LRRTM3: variants seen among roughly 807,000 people sequenced by gnomAD.
LRRTM3 encodes the protein leucine rich repeat transmembrane neuronal 3.
LRRTM3 carries 24 observed loss-of-function variants against 44.7 expected under a neutral mutation model. The observed-to-expected ratio is 0.54, with a 90% CI of 0.39 to 0.76. The LOEUF (loss-of-function observed/expected upper bound fraction) is 0.76, where lower values mean the gene tolerates loss of function less well. Among genes scored for constraint, LRRTM3 ranks in the 30% least tolerant of loss-of-function variants. The pLI is 0.00. For missense variants in LRRTM3, 587 were observed against 702.2 expected (o/e 0.84, Z 1.85); for synonymous variants, 277 against 278.7 (o/e 0.99, Z 0.06).
intron 2 of LRRTM3, among the ~76,000 whole-genome samples, chr10:67,047,636 T>C (rs1309248353): frequency 6.6e-6 from 1 of 152,142 alleles, no homozygotes; most frequent in East Asian, 1.9e-4. Flanking sequence ...ATTCAGCAAG[T>C]TGCTACTATA....
chr10:66,991,602 A>G (rs1851041218), intron 2 of LRRTM3, among the ~76,000 whole-genome samples: 1 of 152,084 alleles, frequency 6.6e-6, no homozygotes, highest in Non-Finnish European at 1.5e-5. Context: ...CCCAGGCTGG[A>G]GTGCAATGGC....
intron 2 of LRRTM3, among the ~76,000 whole-genome samples, chr10:67,006,500 CTT>C (rs1321907649): frequency 2.0e-5 from 3 of 150,480 alleles, no homozygotes; most frequent in East Asian, 3.9e-4. Context: ...TTTCCAAAAA[CTT>C]AGCTTTTTCC....
chr10:66,973,396 A>G (rs1387127732), intron 2 of LRRTM3, among the ~76,000 whole-genome samples: 1 of 152,210 alleles, frequency 6.6e-6, no homozygotes, highest in Non-Finnish European at 1.5e-5. Context: ...GTATTAACAA[A>G]TGACAAGAAC....
At position 67,079,234 on chromosome 10, in the gene LRRTM3, C is replaced by T. The variant is rs561302521; in HGVS notation, c.1537-18353C>T. Among the ~76,000 whole-genome samples, 82 of 152,266 alleles carry T rather than the reference C, an allele frequency of 5.4e-4. 1 individual carries two copies. The highest frequency in any genetic ancestry group is 6.8e-3 in the Middle Eastern group (2 of 294). On this transcript the variant is annotated intron_variant, in intron 2 of 2. Coordinates refer to ENST00000361320, the MANE Select transcript of LRRTM3 (RefSeq NM_178011.5). ...ATGAGCACACGCTGTGCACAAGAAA[C>T]TCTGTGTTATAGAACAAGGGGAAGA... is the stretch of plus-strand genomic sequence containing the variant.
At chr10:67,033,226 G>C (rs1405747365) in intron 2 of LRRTM3, among the ~76,000 whole-genome samples, 1 of 152,142 alleles carries the variant, frequency 6.6e-6, no homozygotes. Context: ...AGTTCTATTT[G>C]TATAAGGCTT....
chr10:66,995,162 A>C (rs1324676646), intron 2 of LRRTM3, among the ~76,000 whole-genome samples: 1 of 152,166 alleles, frequency 6.6e-6, no homozygotes, highest in African/African-American at 2.4e-5. Context: ...CATAATCTCA[A>C]ACATAACCCA....
intron 2 of LRRTM3, among the ~76,000 whole-genome samples, chr10:67,039,947 A>C (rs964776523): frequency 1.3e-5 from 2 of 152,170 alleles, no homozygotes; most frequent in African/African-American, 4.8e-5. Flanking sequence ...TCTGTCATAA[A>C]GCATATTAGC....
Position 66,926,555 on chromosome 10 carries a change from C to A in LRRTM3, c.-29C>A. 1.9e-6 allele frequency: 3 copies of A among 1,613,706 alleles called. No homozygotes were observed. The highest frequency in any genetic ancestry group is 2.5e-6 in the Non-Finnish European group (3 of 1,179,892). On this transcript the variant is annotated 5_prime_UTR_variant, in exon 1 of 3. Coordinates refer to ENST00000361320, the MANE Select transcript of LRRTM3 (RefSeq NM_178011.5). Reference sequence around the variant, plus strand: ...TGGCCCCTAAGCCAAAGCAAAAGACCTAAGGACGACCTTTGAACAATACAA... The same window carrying A: ...TGGCCCCTAAGCCAAAGCAAAAGACATAAGGACGACCTTTGAACAATACAA...
At chr10:67,058,365 G>A (rs774703070) in intron 2 of LRRTM3, among the ~76,000 whole-genome samples, 4 of 152,136 alleles carry the variant, frequency 2.6e-5, no homozygotes, top group East Asian at 1.9e-4. Flanking sequence ...TTGGTTTCAA[G>A]AGAAATTTTA....
chr10:67,048,832 C>G (rs1410373078), intron 2 of LRRTM3, among the ~76,000 whole-genome samples: 2 of 152,026 alleles, frequency 1.3e-5, no homozygotes, highest in Non-Finnish European at 2.9e-5. Flanking sequence ...TGATGTCTCA[C>G]CGTTCCCAGC....
chr10:67,023,096 T>A (rs1028484048), intron 2 of LRRTM3, among the ~76,000 whole-genome samples: 1 of 152,172 alleles, frequency 6.6e-6, no homozygotes, highest in Non-Finnish European at 1.5e-5. Context: ...TCTAATTCAA[T>A]GCCAATCAAA....
At chr10:66,942,908 A>G (rs1431712539) in intron 2 of LRRTM3, among the ~76,000 whole-genome samples, 1 of 152,232 alleles carries the variant, frequency 6.6e-6, no homozygotes, top group Non-Finnish European at 1.5e-5. Context: ...CAAATTAATC[A>G]AAGAGTTACA....
intron 2 of LRRTM3, among the ~76,000 whole-genome samples, chr10:66,966,560 T>C (rs576868501): frequency 1.7e-4 from 26 of 151,876 alleles, no homozygotes; most frequent in Non-Finnish European, 3.2e-4. Flanking sequence ...TCAAAGAAGC[T>C]TTTTAACATA....
rs371229910 is a variant in LRRTM3, at chr10:67,086,669, A to T, written c.1537-10918A>T. Reference sequence around the variant, plus strand: ...TGGGCTATTAGAAGTCATGAGACACACACACAAACATAAATGCCAATGTTC... The same window carrying T: ...TGGGCTATTAGAAGTCATGAGACACTCACACAAACATAAATGCCAATGTTC... On this transcript the variant is annotated intron_variant, in intron 2 of 2. Coordinates refer to ENST00000361320, the MANE Select transcript of LRRTM3 (RefSeq NM_178011.5). Among the ~76,000 whole-genome samples, 35 of 152,136 alleles carry T rather than the reference A, an allele frequency of 2.3e-4. No homozygotes were observed. In the East Asian group the frequency reaches 6.2e-3, roughly 27 times the overall value.
intron 2 of LRRTM3, among the ~76,000 whole-genome samples, chr10:67,087,074 T>C (rs903602582): frequency 6.6e-6 from 1 of 152,080 alleles, no homozygotes; most frequent in East Asian, 1.9e-4. Flanking sequence ...TTTTGAGCCA[T>C]AGTTTCAATT....
chr10:66,934,854 G>C (rs568869913), intron 2 of LRRTM3, among the ~76,000 whole-genome samples: 35 of 152,024 alleles, frequency 2.3e-4, no homozygotes, highest in Middle Eastern at 3.2e-3. Flanking sequence ...ATCTATGCAG[G>C]GTGGAAAATA....
rs1855009379 is a variant in LRRTM3, at chr10:67,050,374, T to A, written c.1537-47213T>A. Reference sequence around the variant, plus strand: ...TGAATTTTATAGAGAGGAAAATATATCTTTAGCTAAGGTGATGTAATTTGA... The same window carrying A: ...TGAATTTTATAGAGAGGAAAATATAACTTTAGCTAAGGTGATGTAATTTGA... On this transcript the variant is annotated intron_variant, in intron 2 of 2. Coordinates refer to ENST00000361320, the MANE Select transcript of LRRTM3 (RefSeq NM_178011.5). Among the ~76,000 whole-genome samples, 3 of 152,196 alleles carry A rather than the reference T, an allele frequency of 2.0e-5. No individual in the cohort carries two copies. In the South Asian group the frequency reaches 6.2e-4, roughly 32 times the overall value.
intron 2 of LRRTM3, among the ~76,000 whole-genome samples, chr10:67,028,249 GTTGTTA>G (rs995043228): frequency 2.6e-5 from 4 of 152,006 alleles, no homozygotes; most frequent in African/African-American, 9.7e-5. Context: ...GTTTGTTGTT[GTTGTTA>G]TTTTGTTTTG....
chr10:66,961,107 G>A (rs553246209), intron 2 of LRRTM3, among the ~76,000 whole-genome samples: 3 of 152,086 alleles, frequency 2.0e-5, no homozygotes, highest in African/African-American at 7.2e-5. Context: ...CAATAGCAAG[G>A]TCTTCTAGCA....
Sources: allele counts gnomAD v4.1 joint callset (sites outside exome capture counted in the v4.1 genomes callset), GRCh38; gene constraint gnomAD v4.1.1; transcripts MANE v1.5; gene names NCBI Gene and HGNC (gene_info 2026-07-23, HGNC 2026-07-21).